EPB41L2: variants seen among roughly 807,000 people sequenced by gnomAD.
EPB41L2 encodes erythrocyte membrane protein band 4.1 like 2.
A neutral mutation model predicts 113.0 loss-of-function variants in EPB41L2; 43 were observed. That is an observed-to-expected ratio of 0.38 (90% CI 0.30 to 0.49). The LOEUF (loss-of-function observed/expected upper bound fraction) is 0.49, where lower values mean the gene tolerates loss of function less well. Among genes scored for constraint, EPB41L2 ranks in the 20% least tolerant of loss-of-function variants. The pLI is 0.95. For missense variants in EPB41L2, 1,147 were observed against 1,223.4 expected (o/e 0.94, Z 0.93); for synonymous variants, 442 against 436.7 (o/e 1.01, Z -0.15).
rs773159129 is a variant in EPB41L2, at chr6:130,956,469, C to G, written c.17G>C (p.Gly6Ala). ...GTCCTTCTTCACTTCAGACACAGAG[C>G]CTACTTCAGTAGTCATGGCCACAGC... MTTEVGSVSEVKKDSS... is the reference protein window; with the variant it reads MTTEVASVSEVKKDSS... The change falls in exon 2 of 20, where the codon GGC (glycine) becomes GCC (alanine). Residue 6 changes from glycine to alanine, a missense_variant. Gly to Ala is a moderately conservative substitution (Grantham distance 60, BLOSUM62 0). Coordinates refer to ENST00000337057, the MANE Select transcript of EPB41L2 (RefSeq NM_001431.4). The G allele has an allele frequency of 6.2e-7, 1 of 1,613,264 alleles. No individual in the cohort carries two copies. The highest frequency in any genetic ancestry group is 8.5e-7 in the Non-Finnish European group (1 of 1,179,838).
At chr6:130,929,348 G>A (rs1463184401) in intron 3 of EPB41L2, among the ~76,000 whole-genome samples, 2 of 152,160 alleles carry the variant, frequency 1.3e-5, no homozygotes, top group Admixed American at 6.5e-5. Context: ...TACTTTGGAT[G>A]TTTATAGAGC....
At chr6:131,046,502 T>A (rs1352206116) in intron 1 of EPB41L2, among the ~76,000 whole-genome samples, 2 of 152,182 alleles carry the variant, frequency 1.3e-5, no homozygotes, top group African/African-American at 4.8e-5. Flanking sequence ...CACTACAGAT[T>A]CAGGATAAAC....
Position 130,895,077 on chromosome 6 carries a change from C to T in EPB41L2, c.1279G>A (p.Gly427Arg), listed in dbSNP as rs1453917219. The T allele has an allele frequency of 1.2e-6, 2 of 1,613,296 alleles. No individual in the cohort carries two copies. Among genetic ancestry groups the T allele is most frequent in the African/African-American group, 1.3e-5 (1 of 74,852 alleles). The change falls in exon 9 of 20, where the codon GGA (glycine) becomes AGA (arginine). Residue 427 changes from glycine to arginine, a missense_variant. Physicochemically the swap from Gly to Arg is moderately radical, Grantham distance 125. Transcript: ENST00000337057. ...VDIKLGVCAN[G>R]LLIYKDRLRI... ...AGTCTGTCTTTGTAAATGAGAAGTCCATTAGCACACACGCCCAGCTTGATG... is the reference window on the plus strand; with the variant it reads ...AGTCTGTCTTTGTAAATGAGAAGTCTATTAGCACACACGCCCAGCTTGATG...
At chr6:131,021,830 G>A (rs1264341590) in intron 1 of EPB41L2, among the ~76,000 whole-genome samples, 2 of 152,048 alleles carry the variant, frequency 1.3e-5, no homozygotes, top group Non-Finnish European at 2.9e-5. Context: ...TGGTAAGGAC[G>A]AACCCAGACA....
At chr6:130,947,380 C>T (rs549926023) in intron 3 of EPB41L2, among the ~76,000 whole-genome samples, 8 of 151,992 alleles carry the variant, frequency 5.3e-5, no homozygotes, top group Non-Finnish European at 8.8e-5. Flanking sequence ...AAATTAGACA[C>T]ATGTACATAT....
At chr6:130,887,416 T>C (rs572834277) in intron 11 of EPB41L2, among the ~76,000 whole-genome samples, 4 of 151,910 alleles carry the variant, frequency 2.6e-5, no homozygotes, top group Non-Finnish European at 5.9e-5. Flanking sequence ...ATTTTTTTTT[T>C]AAAAGATAAC....
chr6:130,912,287 A>C (rs1184834851), intron 4 of EPB41L2, among the ~76,000 whole-genome samples: 2 of 152,232 alleles, frequency 1.3e-5, no homozygotes, highest in African/African-American at 2.4e-5. Flanking sequence ...TATATAAAGC[A>C]AACAATTAAA....
intron 1 of EPB41L2, among the ~76,000 whole-genome samples, chr6:130,975,120 T>G (rs1777920145): frequency 3.3e-5 from 5 of 152,230 alleles, no homozygotes; most frequent in Admixed American, 3.3e-4. Context: ...CCAATATGAT[T>G]TAAATACATT....
chr6:130,922,630 T>C (rs986704740), intron 4 of EPB41L2, among the ~76,000 whole-genome samples: 4 of 152,230 alleles, frequency 2.6e-5, no homozygotes, highest in Non-Finnish European at 4.4e-5. Flanking sequence ...TAATAGTACC[T>C]ACCTTTTAGG....
chr6:130,886,705 C>T (rs1791113772), intron 11 of EPB41L2, among the ~76,000 whole-genome samples: 1 of 152,160 alleles, frequency 6.6e-6, no homozygotes, highest in Admixed American at 6.5e-5. Flanking sequence ...GCAATCTTGG[C>T]TCACTGCAAC....
chr6:131,052,995 A>T (rs1433951365), intron 1 of EPB41L2, among the ~76,000 whole-genome samples: 1 of 152,034 alleles, frequency 6.6e-6, no homozygotes. Context: ...TCCTGGGTTC[A>T]AGCGATTCTC....
At position 130,885,203 on chromosome 6, in the gene EPB41L2, C is replaced by T. The variant is rs140741017; in HGVS notation, c.1726G>A (p.Ala576Thr). Residue 576 changes from alanine (A) to threonine (T), a missense_variant, in exon 12 of 20, where the codon GCC becomes ACC. Transcript: ENST00000337057. ...DFPGAAGEIS[A>T]YGPGLVSIAV... Reference sequence around the variant, plus strand: ...ATGCTGACAAGTCCAGGTCCATAGGCTGAAATCTCCCCAGCAGCGCCAGGA... The same window carrying T: ...ATGCTGACAAGTCCAGGTCCATAGGTTGAAATCTCCCCAGCAGCGCCAGGA... 91 of 1,614,170 alleles carry T rather than the reference C, an allele frequency of 5.6e-5. No individual in the cohort carries two copies. The African/African-American group carries it at 8.1e-4, about 14-fold the overall frequency.
At chr6:131,019,159 C>T (rs1187924624) in intron 1 of EPB41L2, among the ~76,000 whole-genome samples, 3 of 152,168 alleles carry the variant, frequency 2.0e-5, no homozygotes, top group Non-Finnish European at 4.4e-5. Flanking sequence ...AACATTTCTC[C>T]ATTTATCCAG....
At chr6:130,918,937 C>G (rs942848750) in intron 4 of EPB41L2, among the ~76,000 whole-genome samples, 2 of 152,008 alleles carry the variant, frequency 1.3e-5, no homozygotes, top group Non-Finnish European at 2.9e-5. Flanking sequence ...AAATAGGATA[C>G]CATACAAATC....
chr6:131,029,069 C>T (rs371233839), intron 1 of EPB41L2, among the ~76,000 whole-genome samples: 3 of 152,240 alleles, frequency 2.0e-5, no homozygotes, highest in Admixed American at 6.5e-5. Flanking sequence ...AAATAGCAAA[C>T]GTTTCAACCT....
intron 19 of EPB41L2, among the ~76,000 whole-genome samples, chr6:130,848,466 ATAAG>A (rs1327580823): frequency 8.5e-5 from 13 of 152,250 alleles, no homozygotes; most frequent in Admixed American, 7.2e-4. Flanking sequence ...TATTATTTCA[ATAAG>A]TAATTAATTT....
At chr6:130,905,640 G>C (rs773270284) in intron 5 of EPB41L2, among the ~76,000 whole-genome samples, 1 of 151,932 alleles carries the variant, frequency 6.6e-6, no homozygotes, top group African/African-American at 2.4e-5. Flanking sequence ...GGCTTGTCTC[G>C]AATCCCTGGG....
At chr6:130,968,307 T>C (rs1775867108) in intron 1 of EPB41L2, among the ~76,000 whole-genome samples, 1 of 152,150 alleles carries the variant, frequency 6.6e-6, no homozygotes, top group Non-Finnish European at 1.5e-5. Context: ...CCCCACACTA[T>C]GACAAGTCCA....
intron 19 of EPB41L2, among the ~76,000 whole-genome samples, chr6:130,844,321 G>T (rs1191692776): frequency 1.3e-5 from 2 of 151,970 alleles, no homozygotes; most frequent in Non-Finnish European, 2.9e-5. Context: ...CCAGCATTTT[G>T]GGAGGCTGAG....
Sources: gnomAD v4.1 joint callset for allele counts (sites outside exome capture counted in the v4.1 genomes callset) on GRCh38, gnomAD v4.1.1 for gene constraint, MANE v1.5 for transcripts, NCBI Gene and HGNC (gene_info 2026-07-23, HGNC 2026-07-21) for gene names.